The following C8orf89 variants were observed in gnomAD, a reference collection of about 807,000 sequenced individuals.
C8orf89 encodes chromosome 8 open reading frame 89.
C8orf89 carries 14 observed loss-of-function variants against 15.8 expected under a neutral mutation model. That is an observed-to-expected ratio of 0.89 (90% confidence interval 0.59 to 1.39). The LOEUF (loss-of-function observed/expected upper bound fraction) is 1.39. Among genes scored for constraint, C8orf89 ranks in the 40% most tolerant of loss-of-function variants. The pLI, the probability that C8orf89 is intolerant of heterozygous loss-of-function variation, is 0.00. For missense variants in C8orf89, 181 were observed against 184.5 expected, an observed-to-expected ratio of 0.98 and a Z score of 0.11; for synonymous variants, 55 against 62.2, an observed-to-expected ratio of 0.88 and a Z score of 0.54.
chr8:73,254,275 G>A (rs1813315163), intron 2 of C8orf89, among the ~76,000 whole-genome samples: 1 of 151,994 alleles, frequency 6.6e-6, no homozygotes, highest in Non-Finnish European at 1.5e-5. Context: ...GCATCCCAGG[G>A]ATGAAGCCCA....
At chr8:73,263,900 G>C (rs1035529355), upstream of C8orf89, among the ~76,000 whole-genome samples, 2 of 152,200 alleles carry the variant, frequency 1.3e-5, no homozygotes, top group African/African-American at 4.8e-5. Flanking sequence ...GGACTTATAA[G>C]GGTAGGTTCC....
the C8orf89 span, among the ~76,000 whole-genome samples, chr8:73,281,920 A>G: frequency 2.0e-5 from 3 of 152,310 alleles, no homozygotes; most frequent in South Asian, 6.2e-4. Flanking sequence ...TGCTGACTGG[A>G]TTTAGACAAG....
chr8:73,242,097 T>C (rs1813020235), intron 3 of C8orf89, among the ~76,000 whole-genome samples: 1 of 151,944 alleles, frequency 6.6e-6, no homozygotes, highest in Admixed American at 6.6e-5. Context: ...ATTTCCTGAG[T>C]AATACCCCAG....
At chr8:73,241,678 T>C in intron 3 of C8orf89, 73 bp from the exon 4 acceptor site, 1 of 1,201,344 alleles carries the variant, frequency 8.3e-7, no homozygotes, top group Non-Finnish European at 1.1e-6. Context: ...TTAAATATAA[T>C]GTGACTGAAA....
At chr8:73,252,966 C>T (rs1405640743) in intron 2 of C8orf89, among the ~76,000 whole-genome samples, 1 of 152,092 alleles carries the variant, frequency 6.6e-6, no homozygotes, top group Non-Finnish European at 1.5e-5. Flanking sequence ...AGGGTGAAAC[C>T]CCGTCTCTAC....
chr8:73,279,009 C>G, the C8orf89 span, among the ~76,000 whole-genome samples: 1 of 152,088 alleles, frequency 6.6e-6, no homozygotes, highest in African/African-American at 2.4e-5. Flanking sequence ...CCAAACTGTC[C>G]TAAGTATTAC....
At chr8:73,285,903 C>A in the C8orf89 span, among the ~76,000 whole-genome samples, 1 of 151,306 alleles carries the variant, frequency 6.6e-6, no homozygotes, top group East Asian at 1.9e-4. Flanking sequence ...TGGGCCCGGC[C>A]CGGCCGGCGT....
At chr8:73,282,080 C>T in the C8orf89 span, among the ~76,000 whole-genome samples, 5 of 152,184 alleles carry the variant, frequency 3.3e-5, no homozygotes, top group Non-Finnish European at 7.3e-5. Context: ...ATCTGTTTGT[C>T]ACTACAGCTA....
chr8:73,271,329 T>A, the C8orf89 span, among the ~76,000 whole-genome samples: 1 of 152,266 alleles, frequency 6.6e-6, no homozygotes, highest in African/African-American at 2.4e-5. Context: ...TGGGAGTGGA[T>A]CTCTCATGAA....
At chr8:73,250,450 C>A in intron 2 of C8orf89, 127 bp from the exon 3 acceptor site, 5 of 602,044 alleles carry the variant, frequency 8.3e-6, no homozygotes, top group Non-Finnish European at 1.4e-5. Context: ...TCCATTATAA[C>A]TCATTCCATC....
At chr8:73,256,589 G>A (rs1294822365) in intron 2 of C8orf89, among the ~76,000 whole-genome samples, 8 of 151,662 alleles carry the variant, frequency 5.3e-5, no homozygotes, top group African/African-American at 1.7e-4. Flanking sequence ...TTAGCTGGGC[G>A]TGGTGGCGGG....
At chr8:73,275,209 C>T in the C8orf89 span, among the ~76,000 whole-genome samples, 2 of 127,244 alleles carry the variant, frequency 1.6e-5, no homozygotes, top group Non-Finnish European at 3.4e-5. Context: ...TACCCACATT[C>T]TTATGTACAC....
At chr8:73,244,434 C>A (rs575460198) in intron 3 of C8orf89, among the ~76,000 whole-genome samples, 4 of 152,126 alleles carry the variant, frequency 2.6e-5, no homozygotes, top group Non-Finnish European at 4.4e-5. Context: ...CTACGTATTA[C>A]CCCTAAATAC....
chr8:73,271,273 T>TGTG, the C8orf89 span, among the ~76,000 whole-genome samples: 3 of 152,132 alleles, frequency 2.0e-5, no homozygotes, highest in African/African-American at 7.2e-5. Flanking sequence ...TTACCCCCAG[T>TGTG]GTGGTGGTGT....
chr8:73,267,769 T>C, the C8orf89 span, among the ~76,000 whole-genome samples: 1 of 152,198 alleles, frequency 6.6e-6, no homozygotes, highest in Non-Finnish European at 1.5e-5. Flanking sequence ...CCACGTACAG[T>C]CAGTTGACTT....
At chr8:73,277,915 C>T in the C8orf89 span, 6 of 674,696 alleles carry the variant, frequency 8.9e-6, no homozygotes, top group Admixed American at 1.8e-5. Context: ...ACTCCAGTGC[C>T]GCTTTCTGGG....
At chr8:73,263,202 G>A (rs1813560804), upstream of C8orf89, among the ~76,000 whole-genome samples, 1 of 152,110 alleles carries the variant, frequency 6.6e-6, no homozygotes, top group Non-Finnish European at 1.5e-5. Context: ...CCCAAATATG[G>A]GTGTATTTAA....
the C8orf89 span, among the ~76,000 whole-genome samples, chr8:73,275,450 C>T: frequency 2.0e-5 from 3 of 151,910 alleles, no homozygotes; most frequent in Non-Finnish European, 4.4e-5. Flanking sequence ...GTCGGCCAGG[C>T]GGGTCTCAAA....
intron 2 of C8orf89, among the ~76,000 whole-genome samples, chr8:73,253,968 T>A (rs934908492): frequency 1.6e-4 from 24 of 151,854 alleles, no homozygotes; most frequent in African/African-American, 5.8e-4. Flanking sequence ...TCCAACACTA[T>A]GTTGAATAGG....
Sources: gnomAD v4.1 joint callset for allele counts (sites outside exome capture counted in the v4.1 genomes callset) on GRCh38, gnomAD v4.1.1 for gene constraint, MANE v1.5 for transcripts, NCBI Gene and HGNC (gene_info 2026-07-23, HGNC 2026-07-21) for gene names.